The following SEM1 variants were observed in gnomAD, a reference collection of about 807,000 sequenced individuals.
The protein encoded by SEM1 is 26S proteasome complex subunit SEM1.
In SEM1, 3 loss-of-function variants were observed where a neutral mutation model predicts 12.7. The ratio of observed to expected loss-of-function variants is 0.24; its 90% confidence interval spans 0.11 to 0.61. The LOEUF (loss-of-function observed/expected upper bound fraction) is 0.61, where lower values mean the gene tolerates loss of function less well. SEM1 is among the 20% of genes least tolerant of loss of function. The pLI is 0.88. For missense variants in SEM1, 59 were observed against 81.3 expected (o/e 0.73, Z 1.06); for synonymous variants, 30 against 27.8 (o/e 1.08, Z -0.25).
chr7:96,671,154 A>T (rs1276890047), downstream of SEM1, among the ~76,000 whole-genome samples: 1 of 152,244 alleles, frequency 6.6e-6, no homozygotes, highest in Non-Finnish European at 1.5e-5. Context: ...TTTTGTAGCT[A>T]GAAAAATTAA....
downstream of SEM1, chr7:96,622,375 A>G: frequency 2.0e-6 from 1 of 511,510 alleles, no homozygotes; most frequent in South Asian, 3.5e-5. Context: ...GCTTTGAGAC[A>G]CAGAATGATG....
chr7:96,588,168 A>G (rs1806703982), intron 2 of SEM1, among the ~76,000 whole-genome samples: 1 of 110,784 alleles, frequency 9.0e-6, no homozygotes, highest in Non-Finnish European at 1.9e-5. Flanking sequence ...CAGGACTTTG[A>G]GACCAGCCTG....
chr7:96,518,190 G>T (rs1332141265), intron 2 of SEM1, among the ~76,000 whole-genome samples: 2 of 151,808 alleles, frequency 1.3e-5, no homozygotes, highest in Non-Finnish European at 2.9e-5. Flanking sequence ...TTGGATGCAT[G>T]TATTGAAGGT....
At chr7:96,567,223 T>C (rs1260079420) in intron 2 of SEM1, among the ~76,000 whole-genome samples, 1 of 151,584 alleles carries the variant, frequency 6.6e-6, no homozygotes, top group Non-Finnish European at 1.5e-5. Context: ...TTATATTTCT[T>C]CAATTCTTGT....
intron 2 of SEM1, among the ~76,000 whole-genome samples, chr7:96,623,989 T>C (rs1807976755): frequency 6.6e-6 from 1 of 152,152 alleles, no homozygotes; most frequent in Admixed American, 6.6e-5. Context: ...TCCTTGGATT[T>C]AGGGCCCACT....
At chr7:96,696,634 T>C (rs1790107968) in intron 1 of SEM1, 1 of 152,000 alleles carries the variant, frequency 6.6e-6, no homozygotes, top group Non-Finnish European at 1.5e-5. Flanking sequence ...CTATTTTGGA[T>C]GGATATTTTA....
intron 2 of SEM1, among the ~76,000 whole-genome samples, chr7:96,606,748 C>T (rs561900238): frequency 6.6e-6 from 1 of 152,300 alleles, no homozygotes; most frequent in East Asian, 1.9e-4. Context: ...TCTCCTGGTT[C>T]TGATCTGATT....
intron 2 of SEM1, among the ~76,000 whole-genome samples, chr7:96,631,303 G>T (rs1405203976): frequency 2.0e-5 from 3 of 152,150 alleles, no homozygotes; most frequent in African/African-American, 4.8e-5. Context: ...GACTGCTGGG[G>T]GTCAGTGATT....
At chr7:96,599,184 T>C (rs1320807608) in intron 2 of SEM1, among the ~76,000 whole-genome samples, 1 of 151,996 alleles carries the variant, frequency 6.6e-6, no homozygotes, top group African/African-American at 2.4e-5. Context: ...AGGTGTGGAG[T>C]GCTAAAGCAT....
intron 2 of SEM1, among the ~76,000 whole-genome samples, chr7:96,587,660 T>TC (rs1226480794): frequency 8.9e-5 from 12 of 135,582 alleles, no homozygotes. Context: ...CTTGTTTTTT[T>TC]TTTTTCCCCA....
At chr7:96,694,513 AATTAAC>A (rs1790029663) in intron 2 of SEM1, among the ~76,000 whole-genome samples, 1 of 151,942 alleles carries the variant, frequency 6.6e-6, no homozygotes, top group Non-Finnish European at 1.5e-5. Context: ...ATTGGTAGAA[AATTAAC>A]ATTGACAGAA....
At chr7:96,575,703 C>T (rs936008042) in intron 2 of SEM1, among the ~76,000 whole-genome samples, 2 of 152,192 alleles carry the variant, frequency 1.3e-5, no homozygotes, top group South Asian at 2.1e-4. Context: ...CTGGCTACAG[C>T]GGCTTTGTGG....
At chr7:96,604,756 TA>T in intron 2 of SEM1, among the ~76,000 whole-genome samples, 1 of 152,010 alleles carries the variant, frequency 6.6e-6, no homozygotes, top group Non-Finnish European at 1.5e-5. Context: ...CCGTCTGCAC[TA>T]AAAATACAAA....
In SEM1 at chr7:96,691,628, T is replaced by C. The variant is rs188735442; in HGVS notation, c.171-2662A>G. Among the ~76,000 whole-genome samples, 459 of 152,380 alleles carry C rather than the reference T, an allele frequency of 3.0e-3. 4 individuals carry two copies. The highest frequency in any genetic ancestry group is 4.6e-3 in the Admixed American group (71 of 15,312). ...TATGATATTATGTTAAGGGTTTCCATGTACTTTACAGAAAAGACTAGGAAG... is the reference window on the plus strand; with the variant it reads ...TATGATATTATGTTAAGGGTTTCCACGTACTTTACAGAAAAGACTAGGAAG... On this transcript the variant is annotated intron_variant, in intron 2 of 2. Coordinates refer to ENST00000248566, the MANE Select transcript of SEM1 (RefSeq NM_006304.2).
intron 2 of SEM1, among the ~76,000 whole-genome samples, chr7:96,606,170 A>T (rs966115231): frequency 2.6e-5 from 4 of 152,228 alleles, no homozygotes; most frequent in African/African-American, 9.6e-5. Flanking sequence ...CATCATAGGT[A>T]TGTATGCATA....
chr7:96,509,751 A>G (rs151064085), intron 2 of SEM1, among the ~76,000 whole-genome samples: 8 of 152,284 alleles, frequency 5.3e-5, no homozygotes, highest in Admixed American at 3.9e-4. Context: ...TACAACATGG[A>G]TGGACCTTGA....
chr7:96,540,946 A>G (rs1804927661), intron 2 of SEM1, among the ~76,000 whole-genome samples: 1 of 151,884 alleles, frequency 6.6e-6, no homozygotes, highest in Non-Finnish European at 1.5e-5. Flanking sequence ...GTAGTATTCC[A>G]CAGCATATAT....
At chr7:96,617,445 CT>C (rs1454357688) in intron 2 of SEM1, among the ~76,000 whole-genome samples, 1 of 152,068 alleles carries the variant, frequency 6.6e-6, no homozygotes, top group Non-Finnish European at 1.5e-5. Context: ...CTAGTAGAGT[CT>C]TTAGGGGTTT....
intron 2 of SEM1, among the ~76,000 whole-genome samples, chr7:96,587,305 A>G (rs1372536525): frequency 6.6e-6 from 1 of 152,180 alleles, no homozygotes; most frequent in East Asian, 1.9e-4. Context: ...TATTTTGGGC[A>G]CTAATTTCCA....
Sources: gnomAD v4.1 joint callset for allele counts (sites outside exome capture counted in the v4.1 genomes callset) on GRCh38, gnomAD v4.1.1 for gene constraint, MANE v1.5 for transcripts, NCBI Gene and HGNC (gene_info 2026-07-23, HGNC 2026-07-21) for gene names.